Variants in CTNND2 observed in about 807,000 individuals in gnomAD.
The protein encoded by CTNND2 is catenin delta 2.
In CTNND2, 22 loss-of-function variants were observed where a neutral mutation model predicts 144.4. The observed-to-expected ratio is 0.15, with a 90% CI of 0.11 to 0.22. The LOEUF is 0.22. Among genes scored for constraint, CTNND2 ranks in the 10% least tolerant of loss-of-function variants. The pLI, the probability that CTNND2 is intolerant of heterozygous loss-of-function variation, is 1.00. For synonymous variants in CTNND2, 751 were observed against 695.6 expected (o/e 1.08, Z -1.25); for missense variants, 1,353 against 1,618.8 (o/e 0.84, Z 2.82).
At chr5:11,684,090 A>C (rs1336467693) in intron 2 of CTNND2, among the ~76,000 whole-genome samples, 1 of 151,636 alleles carries the variant, frequency 6.6e-6, no homozygotes, top group Non-Finnish European at 1.5e-5. Flanking sequence ...CACATTATTT[A>C]TTTTTATTTT....
chr5:11,894,938 G>T (rs914616578), intron 1 of CTNND2, among the ~76,000 whole-genome samples: 2 of 152,182 alleles, frequency 1.3e-5, no homozygotes, highest in African/African-American at 2.4e-5. Flanking sequence ...CCTATGATTT[G>T]TGGATCAATT....
In CTNND2 at chr5:11,879,354, T is replaced by TATATATATATATATATATATATAC. The variant is rs1169270632; in HGVS notation, c.37+24462_37+24463insGTATATATATATATATATATATAT. Among the ~76,000 whole-genome samples the TATATATATATATATATATATATAC allele has an allele frequency of 2.6e-4, 36 of 139,758 alleles. 1 individual carries two copies. Among genetic ancestry groups the TATATATATATATATATATATATAC allele is most frequent in the Non-Finnish European group, 3.6e-4 (23 of 63,992 alleles). The allele number at this position is 139,758 out of a possible 152,430, so 91.7% of individuals were successfully genotyped here. A position where few individuals can be genotyped will look rare whatever the true frequency, so the allele number is the denominator to read the frequency against. ...AATTAAATGTGTGTATATATATATA[T>TATATATATATATATATATATATAC]ATACATATACACACACACACAAACA... On this transcript the variant is annotated intron_variant, in intron 1 of 21. Coordinates refer to ENST00000304623, the MANE Select transcript of CTNND2 (RefSeq NM_001332.4).
chr5:11,643,998 G>C (rs1410777434), intron 2 of CTNND2, among the ~76,000 whole-genome samples: 29 of 152,136 alleles, frequency 1.9e-4, no homozygotes, highest in Non-Finnish European at 5.9e-5. Context: ...CACTCCAGCT[G>C]TTGAATACAT....
intron 2 of CTNND2, among the ~76,000 whole-genome samples, chr5:11,611,132 T>C (rs560806805): frequency 9.2e-5 from 14 of 152,278 alleles, no homozygotes; most frequent in Admixed American, 4.6e-4. Flanking sequence ...TGAGATCTGA[T>C]GGTTTTATAA....
In CTNND2 at chr5:11,240,426, ACACT is replaced by A. The variant is rs535709882; in HGVS notation, c.1629-3607_1629-3604del. On this transcript the variant is annotated intron_variant, in intron 9 of 21. Transcript: ENST00000304623. ...ACACACCCACAACACACACTGACAC[ACACT>A]CACACACACCCAACATACACACACC... is the stretch of plus-strand genomic sequence containing the variant. Among the ~76,000 whole-genome samples the A allele has an allele frequency of 2.9e-3, 284 of 97,864 alleles. 1 individual carries two copies. The highest frequency in any genetic ancestry group is 0.011 in the African/African-American group (260 of 23,774). The allele number at this position is 97,864 out of a possible 152,430, so 64.2% of individuals were successfully genotyped here.
rs368634452 is a variant in CTNND2, at chr5:11,879,339, G to GTATATATATATATA, written c.37+24477_37+24478insTATATATATATATA. ...TCAAGTGTATTAAAAAATTAAATGT[G>GTATATATATATATA]TGTATATATATATATATACATATAC... On this transcript the variant is annotated intron_variant, in intron 1 of 21. Transcript: ENST00000304623. 2.2e-3 allele frequency among the ~76,000 whole-genome samples: 221 copies of GTATATATATATATA among 100,996 alleles called. 19 individuals carry two copies. The highest frequency in any genetic ancestry group is 2.8e-3 in the Non-Finnish European group (130 of 46,434). The allele number at this position is 100,996 out of a possible 152,430, so 66.3% of individuals were successfully genotyped here. A position where few individuals can be genotyped will look rare whatever the true frequency, so the allele number is the denominator to read the frequency against.
intron 9 of CTNND2, among the ~76,000 whole-genome samples, chr5:11,333,417 C>T (rs1753383086): frequency 6.6e-6 from 1 of 152,094 alleles, no homozygotes; most frequent in South Asian, 2.1e-4. Context: ...GCATGTGCCA[C>T]CACACCCAGC....
At chr5:11,117,353 GA>G (rs1207322272) in intron 13 of CTNND2, 96 bp downstream of exon 13, 2 of 906,762 alleles carry the variant, frequency 2.2e-6, no homozygotes, top group African/African-American at 3.3e-5. Context: ...AGGAAAGTCT[GA>G]AATACTGCAT....
intron 3 of CTNND2, among the ~76,000 whole-genome samples, chr5:11,461,973 G>T (rs571659962): frequency 6.6e-6 from 1 of 152,096 alleles, no homozygotes; most frequent in African/African-American, 2.4e-5. Context: ...GAGTCTTAGG[G>T]TCTGTTCTGA....
intron 11 of CTNND2, among the ~76,000 whole-genome samples, chr5:11,166,756 C>T (rs1280263270): frequency 6.6e-6 from 1 of 152,114 alleles, no homozygotes; most frequent in African/African-American, 2.4e-5. Flanking sequence ...TGTGCATCTG[C>T]TATACAAACG....
intron 11 of CTNND2, among the ~76,000 whole-genome samples, chr5:11,172,128 C>T (rs558101116): frequency 1.2e-4 from 18 of 152,174 alleles, no homozygotes; most frequent in East Asian, 3.9e-4. Flanking sequence ...AGAAAGATAC[C>T]GATGCACTAG....
At chr5:11,565,862 C>G (rs2150108568) in intron 2 of CTNND2, among the ~76,000 whole-genome samples, 1 of 152,130 alleles carries the variant, frequency 6.6e-6, no homozygotes, top group South Asian at 2.1e-4. Context: ...ATGAAAATAA[C>G]CAGAGCAAAT....
At chr5:11,066,387 G>T (rs562298662) in intron 16 of CTNND2, among the ~76,000 whole-genome samples, 5 of 152,218 alleles carry the variant, frequency 3.3e-5, no homozygotes, top group African/African-American at 9.6e-5. Context: ...ATTGATCCCA[G>T]GCCTTTAGAC....
intron 12 of CTNND2, among the ~76,000 whole-genome samples, chr5:11,131,760 G>T (rs1755622897): frequency 6.6e-6 from 1 of 152,210 alleles, no homozygotes; most frequent in East Asian, 1.9e-4. Context: ...TTGCACTCCA[G>T]CCTGGGCGAT....
chr5:11,278,257 G>T (rs1442135094), intron 9 of CTNND2, among the ~76,000 whole-genome samples: 2 of 152,156 alleles, frequency 1.3e-5, no homozygotes, highest in Non-Finnish European at 2.9e-5. Flanking sequence ...GTCTGGCCTT[G>T]CCCTTGAACT....
At chr5:11,191,771 T>C (rs1736266741) in intron 11 of CTNND2, among the ~76,000 whole-genome samples, 5 of 152,214 alleles carry the variant, frequency 3.3e-5, no homozygotes, top group Admixed American at 2.6e-4. Context: ...CAGAGTTCCG[T>C]GGCAAAGAGC....
At chr5:11,035,973 T>C (rs970584271) in intron 16 of CTNND2, among the ~76,000 whole-genome samples, 14 of 152,190 alleles carry the variant, frequency 9.2e-5, no homozygotes, top group African/African-American at 2.4e-4. Context: ...GTTACATGAG[T>C]AGGGTACAAA....
intron 10 of CTNND2, among the ~76,000 whole-genome samples, chr5:11,229,248 T>G (rs1397510502): frequency 6.6e-6 from 1 of 152,236 alleles, no homozygotes; most frequent in African/African-American, 2.4e-5. Flanking sequence ...GGCATGTTAA[T>G]AGGGATGGTC....
At chr5:11,131,958 A>G (rs1473843857) in intron 12 of CTNND2, among the ~76,000 whole-genome samples, 2 of 98,570 alleles carry the variant, frequency 2.0e-5, no homozygotes, top group African/African-American at 8.5e-5. Flanking sequence ...TCACTTATCT[A>G]GATGGTAAAG....
Sources: gnomAD v4.1 joint callset for allele counts (sites outside exome capture counted in the v4.1 genomes callset) on GRCh38, gnomAD v4.1.1 for gene constraint, MANE v1.5 for transcripts, NCBI Gene and HGNC (gene_info 2026-07-23, HGNC 2026-07-21) for gene names.